CD33: variants seen among roughly 807,000 people sequenced by gnomAD.
CD33 encodes the protein myeloid cell surface antigen CD33.
In CD33, 25 loss-of-function variants were observed where a neutral mutation model predicts 31.4. The ratio of observed to expected loss-of-function variants is 0.80; its 90% CI spans 0.58 to 1.11. The LOEUF (loss-of-function observed/expected upper bound fraction) is 1.11. Among genes scored for constraint, CD33 ranks in the 50% most tolerant of loss-of-function variants. The pLI, the probability that CD33 is intolerant of heterozygous loss-of-function variation, is 0.00. For synonymous variants in CD33, 176 were observed against 180.6 expected (o/e 0.97, Z 0.20); for missense variants, 407 against 448.1 (o/e 0.91, Z 0.83).
intron 4 of CD33, among the ~76,000 whole-genome samples, chr19:51,229,937 G>A (rs1445425041): frequency 6.6e-6 from 1 of 151,466 alleles, no homozygotes; most frequent in African/African-American, 2.4e-5. Flanking sequence ...TTGCTTTCTA[G>A]TTTCTTGAAA....
the CD33 span, among the ~76,000 whole-genome samples, chr19:51,213,494 TTTTTC>T: frequency 3.3e-4 from 51 of 152,286 alleles, no homozygotes; most frequent in South Asian, 9.7e-3. Flanking sequence ...AAAATTCTCA[TTTTTC>T]TTTTCTTTTG....
the CD33 span, among the ~76,000 whole-genome samples, chr19:51,214,283 C>T: frequency 6.7e-6 from 1 of 148,440 alleles, no homozygotes; most frequent in Non-Finnish European, 1.5e-5. Flanking sequence ...ACTGCAACCT[C>T]TGCCTCCAGG....
chr19:51,213,702 A>AC, the CD33 span, among the ~76,000 whole-genome samples: 1 of 137,660 alleles, frequency 7.3e-6, no homozygotes, highest in African/African-American at 2.7e-5. Context: ...ATGCCTGGCT[A>AC]TTTTTTTTTT....
the CD33 span, chr19:51,211,646 G>T: frequency 3.2e-6 from 4 of 1,235,524 alleles, no homozygotes; most frequent in Non-Finnish European, 4.5e-6. Context: ...CTCAGGACAG[G>T]GCTTGGGATG....
intron 4 of CD33, among the ~76,000 whole-genome samples, chr19:51,233,948 A>T (rs912749051): frequency 1.2e-4 from 18 of 152,086 alleles, no homozygotes; most frequent in African/African-American, 4.3e-4. Context: ...GCTGTGGTTT[A>T]TTCATTGCCT....
the CD33 span, among the ~76,000 whole-genome samples, chr19:51,215,020 T>G: frequency 1.3e-5 from 2 of 152,104 alleles, no homozygotes; most frequent in Non-Finnish European, 2.9e-5. Context: ...CTCATCCCAC[T>G]TTTTTGTAGG....
intron 6 of CD33, chr19:51,237,396 A>G (rs1981873542): frequency 6.6e-6 from 1 of 152,262 alleles, no homozygotes; most frequent in Non-Finnish European, 1.5e-5. Flanking sequence ...TGAACAAATA[A>G]GCAGTGCAAA....
chr19:51,237,584 G>A (rs273653), intron 6 of CD33: 62,248 of 152,228 alleles, frequency 0.41, 14,189 homozygotes, highest in Non-Finnish European at 0.51. Context: ...CTCTGAGGCC[G>A]GAACACATCT....
intron 4 of CD33, among the ~76,000 whole-genome samples, chr19:51,226,913 T>C (rs182628227): frequency 6.6e-6 from 1 of 152,088 alleles, no homozygotes; most frequent in East Asian, 1.9e-4. Flanking sequence ...TGTTCTACTT[T>C]TTACTTCTAT....
In CD33 at chr19:51,226,401, CTG is replaced by C. The variant is rs755698715; in HGVS notation, c.745+49_745+50del. 2.1e-5 allele frequency: 33 copies of C among 1,562,954 alleles called. No individual in the cohort carries two copies. The East Asian group carries it at 4.0e-4, about 19-fold the overall frequency. ...CCTGGGGCTGTTACTGACATTGAGT[CTG>C]TGTCAGGTTTGGTCAGATCTGGACT... is the stretch of plus-strand genomic sequence containing the variant. On this transcript the variant is annotated intron_variant, in intron 4 of 6. Coordinates refer to ENST00000262262, the MANE Select transcript of CD33 (RefSeq NM_001772.4).
chr19:51,226,208 C>T, intron 3 of CD33, 101 bp from the exon 4 acceptor site: 2 of 1,494,158 alleles, frequency 1.3e-6, no homozygotes, highest in South Asian at 1.1e-5. Flanking sequence ...TGAGCCCTGT[C>T]CCTTCTGCAT....
chr19:51,226,202 C>A, intron 3 of CD33, 107 bp from the exon 4 acceptor site: 4 of 1,492,924 alleles, frequency 2.7e-6, no homozygotes, highest in Non-Finnish European at 3.7e-6. Flanking sequence ...AGGACATGAG[C>A]CCTGTCCCTT....
At chr19:51,229,382 GT>G (rs1193864304) in intron 4 of CD33, among the ~76,000 whole-genome samples, 4 of 151,992 alleles carry the variant, frequency 2.6e-5, no homozygotes, top group African/African-American at 9.7e-5. Flanking sequence ...TCTGATTTTG[GT>G]GTCATGGTTA....
chr19:51,211,377 G>A, the CD33 span: 3 of 1,556,584 alleles, frequency 1.9e-6, no homozygotes, highest in Non-Finnish European at 1.8e-6. Context: ...TTGTATCCAG[G>A]GACTCTCCAG....
intron 5 of CD33, 61 bp downstream of exon 5, chr19:51,235,314 AG>A: frequency 6.8e-7 from 1 of 1,462,132 alleles, no homozygotes; most frequent in South Asian, 1.1e-5. Context: ...CTGGTGTAGA[AG>A]GGTCCTGGAG....
the CD33 span, chr19:51,211,081 G>A: frequency 2.0e-6 from 3 of 1,472,346 alleles, no homozygotes; most frequent in East Asian, 2.3e-5. Context: ...TGCTCACACA[G>A]GAAGCCCGGG....
chr19:51,226,484 G>T (rs1981046376), intron 4 of CD33, 128 bp downstream of exon 4: 2 of 751,200 alleles, frequency 2.7e-6, no homozygotes, highest in South Asian at 3.2e-5. Context: ...TAGACATCAG[G>T]CACCTTGGAA....
chr19:51,219,243 C>G, the CD33 span, among the ~76,000 whole-genome samples: 1 of 152,100 alleles, frequency 6.6e-6, no homozygotes. Flanking sequence ...GATCTTTCAC[C>G]TCCTTGGTTA....
upstream of CD33, among the ~76,000 whole-genome samples, chr19:51,220,686 A>G (rs1295381964): frequency 6.6e-6 from 1 of 152,198 alleles, no homozygotes; most frequent in Non-Finnish European, 1.5e-5. Context: ...TCAAGAAACT[A>G]AGACCCAGTT....
Sources: gnomAD v4.1 joint callset for allele counts (sites outside exome capture counted in the v4.1 genomes callset) on GRCh38, gnomAD v4.1.1 for gene constraint, MANE v1.5 for transcripts, NCBI Gene and HGNC (gene_info 2026-07-23, HGNC 2026-07-21) for gene names.